The following BNC2 variants were observed in gnomAD, a reference collection of about 807,000 sequenced individuals.
BNC2 encodes the protein zinc finger protein basonuclin-2.
A neutral mutation model predicts 76.3 loss-of-function variants in BNC2; 20 were observed. That is an observed-to-expected ratio of 0.26 (90% CI 0.18 to 0.38). BNC2 has a LOEUF of 0.38. Ranked by LOEUF, BNC2 falls within the 10% of genes least tolerant of loss-of-function variation. The pLI is 1.00. For missense variants in BNC2, 1,382 were observed against 1,399.8 expected, an observed-to-expected ratio of 0.99 and a Z score of 0.20; for synonymous variants, 582 against 514.8, an observed-to-expected ratio of 1.13 and a Z score of -1.77.
intron 5 of BNC2, among the ~76,000 whole-genome samples, chr9:16,499,530 C>CTTTTTTTTTTT (rs763681726): frequency 1.6e-5 from 2 of 127,098 alleles, no homozygotes; most frequent in Non-Finnish European, 3.2e-5. Flanking sequence ...CTTTTTTTTT[C>CTTTTTTTTTTT]TTTTTTTTTT....
At chr9:16,446,023 A>C (rs998723554) in intron 5 of BNC2, among the ~76,000 whole-genome samples, 3 of 152,216 alleles carry the variant, frequency 2.0e-5, no homozygotes, top group African/African-American at 4.8e-5. Flanking sequence ...CAAGATAAAT[A>C]ACTTATTAGT....
chr9:16,605,341 G>T (rs1312378745), intron 3 of BNC2, among the ~76,000 whole-genome samples: 1 of 152,182 alleles, frequency 6.6e-6, no homozygotes, highest in Non-Finnish European at 1.5e-5. Context: ...ACTCTGAATG[G>T]ACAAACTCAG....
In BNC2 at chr9:16,468,022, T is replaced by C. The variant is rs186198261; in HGVS notation, c.670-30498A>G. Among the ~76,000 whole-genome samples the C allele has an allele frequency of 3.5e-3, 531 of 150,382 alleles. 2 individuals carry two copies. Among genetic ancestry groups the C allele is most frequent in the Middle Eastern group, 0.017 (5 of 292 alleles). ...TACTGTGTTCCTGAAAAACTCCTAATCTCATTTCTTTCTTTCTCTTTTTTT... is the reference window on the plus strand; with the variant it reads ...TACTGTGTTCCTGAAAAACTCCTAACCTCATTTCTTTCTTTCTCTTTTTTT... On this transcript the variant is annotated intron_variant, in intron 5 of 6. Transcript: ENST00000380672.
chr9:16,627,836 C>T (rs926024917), intron 3 of BNC2, among the ~76,000 whole-genome samples: 2 of 152,090 alleles, frequency 1.3e-5, no homozygotes, highest in South Asian at 2.1e-4. Flanking sequence ...GGGGTTTAAA[C>T]GGATCATAAT....
At chr9:16,506,219 C>G (rs1357646158) in intron 5 of BNC2, among the ~76,000 whole-genome samples, 4 of 152,124 alleles carry the variant, frequency 2.6e-5, no homozygotes, top group East Asian at 3.8e-4. Context: ...ACAGGCATAA[C>G]AAGTTTTTAG....
At chr9:16,762,933 G>C (rs1825591527) in intron 1 of BNC2, among the ~76,000 whole-genome samples, 1 of 152,160 alleles carries the variant, frequency 6.6e-6, no homozygotes, top group Non-Finnish European at 1.5e-5. Context: ...ATCAAAGGCA[G>C]ATAGATACTA....
At position 16,470,488 on chromosome 9, in the gene BNC2, C is replaced by A. The variant is rs143952488; in HGVS notation, c.670-32964G>T. On this transcript the variant is annotated intron_variant, in intron 5 of 6. Transcript: ENST00000380672. ...AATGTCTCCATGCCATGTCAGAGAA[C>A]TTCCTGTCAGCCCCTCCCATCACAG... is the stretch of plus-strand genomic sequence containing the variant. 1.7e-3 allele frequency among the ~76,000 whole-genome samples: 260 copies of A among 152,328 alleles called. 1 individual carries two copies. The highest frequency in any genetic ancestry group is 5.2e-3 in the Admixed American group (79 of 15,306).
At chr9:16,447,359 T>C (rs1821251137) in intron 5 of BNC2, among the ~76,000 whole-genome samples, 2 of 152,250 alleles carry the variant, frequency 1.3e-5, no homozygotes, top group East Asian at 1.9e-4. Flanking sequence ...ATACTAAAAT[T>C]TGTAAGCCTT....
chr9:16,444,015 GA>G (rs1294657698), intron 5 of BNC2, among the ~76,000 whole-genome samples: 1 of 152,114 alleles, frequency 6.6e-6, no homozygotes, highest in Non-Finnish European at 1.5e-5. Context: ...CAAATTGCTT[GA>G]ACTCTCACAC....
chr9:16,848,220 G>C (rs1294823081), intron 1 of BNC2, among the ~76,000 whole-genome samples: 1 of 152,016 alleles, frequency 6.6e-6, no homozygotes, highest in Non-Finnish European at 1.5e-5. Context: ...TAAAGAGAAG[G>C]CACCAAAAAA....
intron 1 of BNC2, among the ~76,000 whole-genome samples, chr9:16,780,995 T>A (rs1210604847): frequency 1.3e-5 from 2 of 152,012 alleles, no homozygotes; most frequent in Non-Finnish European, 2.9e-5. Context: ...CTATAAGATA[T>A]AATTCCTTTG....
intron 5 of BNC2, among the ~76,000 whole-genome samples, chr9:16,509,577 C>T (rs1015431158): frequency 6.6e-6 from 1 of 152,074 alleles, no homozygotes; most frequent in African/African-American, 2.4e-5. Context: ...ACCAGGATAG[C>T]AAAAGGAACA....
chr9:16,595,986 A>C (rs551258622), intron 3 of BNC2, among the ~76,000 whole-genome samples: 1 of 152,168 alleles, frequency 6.6e-6, no homozygotes, highest in African/African-American at 2.4e-5. Flanking sequence ...ATAATGGGCT[A>C]TAACAGCTTC....
At chr9:16,503,630 A>T (rs1822567017) in intron 5 of BNC2, among the ~76,000 whole-genome samples, 2 of 152,308 alleles carry the variant, frequency 1.3e-5, no homozygotes, top group African/African-American at 2.4e-5. Flanking sequence ...TCTCAAAAAA[A>T]TCTGATTAAT....
In BNC2 at chr9:16,776,227, G is replaced by A. The variant is rs558883902; in HGVS notation, c.4-37742C>T. ...CCATCTCGGGCTCACTGCAACCTTC[G>A]CCTCCTGGGTTCAAGCGATTCTCCT... On this transcript the variant is annotated intron_variant, in intron 1 of 6. Coordinates refer to ENST00000380672, the MANE Select transcript of BNC2 (RefSeq NM_017637.6). Among the ~76,000 whole-genome samples, 5 of 152,092 alleles carry A rather than the reference G, an allele frequency of 3.3e-5. No homozygotes were observed. In the South Asian group the frequency reaches 1.0e-3, roughly 32 times the overall value.
At chr9:16,774,726 G>C (rs948129332) in intron 1 of BNC2, among the ~76,000 whole-genome samples, 2 of 152,202 alleles carry the variant, frequency 1.3e-5, no homozygotes, top group African/African-American at 4.8e-5. Context: ...GGTCCAGAGA[G>C]ATCTGGTAGC....
rs1383115108 is a variant in BNC2, at chr9:16,852,434, A to G, written c.3+18212T>C. Among the ~76,000 whole-genome samples the G allele has an allele frequency of 3.3e-5, 5 of 152,320 alleles. No homozygotes were observed. The East Asian group carries it at 5.8e-4, about 18-fold the overall frequency. ...CAATGGTTATAATAAATAAGTTTTGATAACTATTGATAAAGAATCCGTTCA... is the reference window on the plus strand; with the variant it reads ...CAATGGTTATAATAAATAAGTTTTGGTAACTATTGATAAAGAATCCGTTCA... On this transcript the variant is annotated intron_variant, in intron 1 of 6. Coordinates refer to ENST00000380672, the MANE Select transcript of BNC2 (RefSeq NM_017637.6).
At chr9:16,591,486 T>C (rs1819927423) in intron 3 of BNC2, among the ~76,000 whole-genome samples, 1 of 152,146 alleles carries the variant, frequency 6.6e-6, no homozygotes, top group African/African-American at 2.4e-5. Flanking sequence ...ATTCTGACCA[T>C]GAGAGTATTA....
chr9:16,600,272 G>C (rs1041764140), intron 3 of BNC2, among the ~76,000 whole-genome samples: 2 of 152,268 alleles, frequency 1.3e-5, no homozygotes, highest in East Asian at 3.9e-4. Flanking sequence ...ATTTTTCACT[G>C]AAACATTATC....
Sources: allele counts gnomAD v4.1 joint callset (sites outside exome capture counted in the v4.1 genomes callset), GRCh38; gene constraint gnomAD v4.1.1; transcripts MANE v1.5; gene names NCBI Gene and HGNC (gene_info 2026-07-23, HGNC 2026-07-21).